Variants in WNK3 observed in about 807,000 individuals in gnomAD.
WNK3 encodes the protein serine/threonine-protein kinase WNK3.
A neutral mutation model predicts 116.7 loss-of-function variants in WNK3; 18 were observed. The observed-to-expected ratio is 0.15, with a 90% CI of 0.11 to 0.23. The LOEUF is 0.23. Among genes scored for constraint, WNK3 ranks in the 10% least tolerant of loss-of-function variants. The pLI is 1.00. For missense variants in WNK3, 993 were observed against 1,323.8 expected, an observed-to-expected ratio of 0.75 and a Z score of 3.88; for synonymous variants, 404 against 469.4, an observed-to-expected ratio of 0.86 and a Z score of 1.80.
At position 54,198,514 on chromosome X, in the gene WNK3, T is replaced by A; in HGVS notation, c.5213A>T (p.His1738Leu). 1 of 1,209,618 alleles carries A rather than the reference T, an allele frequency of 8.3e-7. No individual in the cohort carries two copies. Among genetic ancestry groups the A allele is most frequent in the Non-Finnish European group, 1.1e-6 (1 of 894,955 alleles). ...CGCCACAGCATTATACTGACAAACG[T>A]GAGGCATTCCATATGATGATAATGG... Residue 1738 changes from histidine (H) to leucine (L), a missense_variant, in exon 24 of 24, where the codon CAC (histidine) becomes CTC (leucine). Physicochemically the swap from His to Leu is moderately conservative, Grantham distance 99. Coordinates refer to ENST00000354646, the Ensembl canonical transcript of WNK3.
chrX:54,203,988 T>G (rs1240532599), intron 22 of WNK3, among the ~76,000 whole-genome samples: 2 of 111,136 alleles, frequency 1.8e-5, no homozygotes, highest in Admixed American at 9.6e-5. Flanking sequence ...CCAACTGATA[T>G]AATAAAGTAG....
intron 10 of WNK3, among the ~76,000 whole-genome samples, chrX:54,272,147 T>C (rs1210021356): frequency 6.2e-5 from 7 of 112,411 alleles, no homozygotes; most frequent in Non-Finnish European, 1.3e-4. Flanking sequence ...AGAATATCTC[T>C]CTAGAGAAAT....
intron 17 of WNK3, among the ~76,000 whole-genome samples, chrX:54,242,670 T>C (rs782278955): frequency 1.4e-4 from 16 of 112,162 alleles, no homozygotes; most frequent in Admixed American, 3.8e-4. Context: ...GACCATTAAA[T>C]GGGGGAAAGA....
chrX:54,351,805 G>A (rs1175772578), intron 1 of WNK3, among the ~76,000 whole-genome samples: 2 of 111,015 alleles, frequency 1.8e-5, no homozygotes, highest in African/African-American at 3.3e-5. Context: ...CCAGCAACTC[G>A]GGAGGCTGAG....
intron 10 of WNK3, among the ~76,000 whole-genome samples, chrX:54,268,006 A>G (rs1486139377): frequency 9.2e-6 from 1 of 108,843 alleles, no homozygotes; most frequent in Non-Finnish European, 1.9e-5. Context: ...CTGGAGATAC[A>G]TGGCAAAAAA....
exon 17 of WNK3, chrX:54,249,473 T>G: frequency 1.7e-6 from 2 of 1,211,979 alleles, no homozygotes; most frequent in Non-Finnish European, 1.1e-6. Context: ...TGATAAAGTA[T>G]AGCTGGCTGC....
intron 2 of WNK3, among the ~76,000 whole-genome samples, chrX:54,317,222 C>T (rs2068968608): frequency 9.3e-6 from 1 of 107,031 alleles, no homozygotes; most frequent in African/African-American, 3.4e-5. Context: ...TACAGAGGCA[C>T]AATCTCGGCT....
At chrX:54,302,581 G>A (rs1346822782) in intron 5 of WNK3, among the ~76,000 whole-genome samples, 20 of 109,433 alleles carry the variant, frequency 1.8e-4, no homozygotes, top group Non-Finnish European at 3.4e-4. Context: ...GATTACAGGC[G>A]TAAGCCACTG....
chrX:54,282,702 C>T (rs1024776697), intron 10 of WNK3, among the ~76,000 whole-genome samples: 3 of 111,255 alleles, frequency 2.7e-5, no homozygotes, highest in Admixed American at 9.6e-5. Flanking sequence ...AACAAGGGTG[C>T]CAAGGCTATT....
intron 1 of WNK3, among the ~76,000 whole-genome samples, chrX:54,355,633 CAGAG>C (rs1188179056): frequency 1.8e-5 from 2 of 110,936 alleles, no homozygotes; most frequent in African/African-American, 3.3e-5. Context: ...GAAGCAAAGG[CAGAG>C]AGAGAAACAC....
intron 1 of WNK3, among the ~76,000 whole-genome samples, chrX:54,342,662 C>A (rs1410335622): frequency 9.1e-6 from 1 of 110,141 alleles, no homozygotes; most frequent in African/African-American, 3.3e-5. Context: ...CCCTCCCACC[C>A]CTCATTGTGT....
chrX:54,247,968 G>C lies in WNK3; in HGVS notation c.3651+729C>G, dbSNP rs782291074. ...TAACTCATAAAATAAGTCAGGCCAGGCACAGTGGCTCATGCCTGTAATCCC... is the reference window on the plus strand; with the variant it reads ...TAACTCATAAAATAAGTCAGGCCAGCCACAGTGGCTCATGCCTGTAATCCC... On this transcript the variant is annotated intron_variant, in intron 17 of 23. Transcript: ENST00000354646. Among the ~76,000 whole-genome samples the C allele has an allele frequency of 4.5e-5, 5 of 111,409 alleles. No homozygotes were observed. In the East Asian group the frequency reaches 1.4e-3, roughly 31 times the overall value.
chrX:54,236,657 T>C (rs2067964937), intron 20 of WNK3, among the ~76,000 whole-genome samples: 1 of 111,573 alleles, frequency 9.0e-6, no homozygotes, highest in Admixed American at 9.6e-5. Flanking sequence ...TAAGAATAGT[T>C]GTAAAATCTA....
chrX:54,245,050 G>A (rs1557152392), intron 17 of WNK3, among the ~76,000 whole-genome samples: 2 of 110,807 alleles, frequency 1.8e-5, no homozygotes, highest in Non-Finnish European at 3.8e-5. Flanking sequence ...AAAAATCCCT[G>A]TAACAACCCT....
At chrX:54,297,487 G>T (rs2068710920) in intron 7 of WNK3, among the ~76,000 whole-genome samples, 1 of 108,803 alleles carries the variant, frequency 9.2e-6, no homozygotes, top group South Asian at 4.1e-4. Context: ...TGAGACAGGA[G>T]AGTCGCTTGA....
intron 4 of WNK3, among the ~76,000 whole-genome samples, chrX:54,308,589 A>G (rs1227873269): frequency 2.7e-5 from 3 of 112,143 alleles, no homozygotes; most frequent in Admixed American, 9.6e-5. Flanking sequence ...TGTAATTTGT[A>G]ATGCTCAAGA....
intron 10 of WNK3, among the ~76,000 whole-genome samples, chrX:54,284,730 G>A (rs945250209): frequency 1.6e-4 from 18 of 111,928 alleles, no homozygotes; most frequent in Non-Finnish European, 3.2e-4. Flanking sequence ...CAGCAGTTTG[G>A]GAGGCTGAGG....
intron 1 of WNK3, among the ~76,000 whole-genome samples, chrX:54,334,446 T>A (rs1300543455): frequency 8.9e-6 from 1 of 111,916 alleles, no homozygotes; most frequent in African/African-American, 3.2e-5. Context: ...AGGTAATTCA[T>A]ATAAATGGAA....
chrX:54,265,481 C>T (rs1006714928), intron 10 of WNK3, among the ~76,000 whole-genome samples: 5 of 109,122 alleles, frequency 4.6e-5, no homozygotes, highest in African/African-American at 1.0e-4. Context: ...AGCGAGACTC[C>T]GTCTGAAAAA....
Sources: gnomAD v4.1 joint callset for allele counts (sites outside exome capture counted in the v4.1 genomes callset) on GRCh38, gnomAD v4.1.1 for gene constraint, MANE v1.5 for transcripts, NCBI Gene and HGNC (gene_info 2026-07-23, HGNC 2026-07-21) for gene names.